CFAP91: variants seen among roughly 807,000 people sequenced by gnomAD.
CFAP91 encodes the protein cilia- and flagella-associated protein 91.
A neutral mutation model predicts 95.9 loss-of-function variants in CFAP91; 85 were observed. The ratio of observed to expected loss-of-function variants is 0.89; its 90% CI spans 0.74 to 1.06. The LOEUF (loss-of-function observed/expected upper bound fraction) is 1.06. Ranked by LOEUF, CFAP91 falls within the 50% of genes least tolerant of loss-of-function variation. CFAP91 has a pLI of 0.00. For synonymous variants in CFAP91, 335 were observed against 327.5 expected, an observed-to-expected ratio of 1.02 and a Z score of -0.25; for missense variants, 962 against 943.4, an observed-to-expected ratio of 1.02 and a Z score of -0.26.
At chr3:119,757,813 T>C (rs1405847423) in intron 17 of CFAP91, among the ~76,000 whole-genome samples, 1 of 152,084 alleles carries the variant, frequency 6.6e-6, no homozygotes, top group Non-Finnish European at 1.5e-5. Context: ...AGGAGCTGTG[T>C]GGGCTGGCCT....
rs754299297 is a variant in CFAP91, at chr3:119,732,588, C to T, written c.1201+112C>T. The T allele has an allele frequency of 5.8e-4, 440 of 756,548 alleles. 2 individuals are homozygous for T. Among genetic ancestry groups the T allele is most frequent in the Middle Eastern group, 3.8e-4 (1 of 2,632 alleles). The allele number at this position is 756,548 out of a possible 1,614,324, so 46.9% of individuals were successfully genotyped here. A position where few individuals can be genotyped will look rare whatever the true frequency, so the allele number is the denominator to read the frequency against. On this transcript the variant is annotated intron_variant, in intron 9 of 17. Coordinates refer to ENST00000273390, the MANE Select transcript of CFAP91 (RefSeq NM_033364.4). ...AAAAGCTAAGCAATAAAAATATTTG[C>T]AATAAACACTGATGATACAAACCAA...
At chr3:119,716,654 T>C (rs2053580155) in intron 6 of CFAP91, among the ~76,000 whole-genome samples, 1 of 152,218 alleles carries the variant, frequency 6.6e-6, no homozygotes, top group African/African-American at 2.4e-5. Flanking sequence ...TGGTGCGATC[T>C]TGGCTCACTG....
At chr3:119,739,776 A>G (rs552039712) in intron 12 of CFAP91, among the ~76,000 whole-genome samples, 1 of 152,242 alleles carries the variant, frequency 6.6e-6, no homozygotes, top group East Asian at 1.9e-4. Flanking sequence ...ATGGTTTTGA[A>G]CCTTTACTAT....
intron 15 of CFAP91, among the ~76,000 whole-genome samples, 198 bp downstream of exon 15, chr3:119,747,461 T>C (rs2054244449): frequency 6.6e-6 from 1 of 152,216 alleles, no homozygotes; most frequent in Middle Eastern, 3.2e-3. Flanking sequence ...TCCTCTGCAA[T>C]CTGGATTACT....
chr3:119,725,707 T>C lies in CFAP91; in HGVS notation c.683-464T>C, dbSNP rs528353984. ...GGGAGGTCAAGGCCACAGTGAGCTG[T>C]AATCACATCTCTATACTCCAGCCTG... On this transcript the variant is annotated intron_variant, in intron 6 of 17. Coordinates refer to ENST00000273390, the MANE Select transcript of CFAP91 (RefSeq NM_033364.4). 5.9e-5 allele frequency among the ~76,000 whole-genome samples: 9 copies of C among 151,868 alleles called. No homozygotes were observed. In the South Asian group the frequency reaches 1.9e-3, roughly 32 times the overall value.
chr3:119,741,138 T>G (rs1162363638), intron 13 of CFAP91, among the ~76,000 whole-genome samples: 1 of 152,198 alleles, frequency 6.6e-6, no homozygotes, highest in Non-Finnish European at 1.5e-5. Context: ...TAAATAATGC[T>G]GCTGTAGTCC....
At chr3:119,732,058 G>A (rs1378247813) in intron 8 of CFAP91, among the ~76,000 whole-genome samples, 5 of 152,288 alleles carry the variant, frequency 3.3e-5, no homozygotes, top group African/African-American at 7.2e-5. Context: ...GACGAGTACC[G>A]ATTGAGGACA....
chr3:119,751,094 C>T lies in CFAP91; in HGVS notation c.2301C>T (p.Ser767=), dbSNP rs747849440. The T allele has an allele frequency of 1.9e-6, 3 of 1,594,158 alleles. No homozygotes were observed. Among genetic ancestry groups the T allele is most frequent in the Non-Finnish European group, 2.6e-6 (3 of 1,172,192 alleles). ...AAGAAACTCAAAATGAGAACAACAG[C>T]TAAGGTGAGTTTGATTTTCCACCAG... ...LEKETQNENN[S] is the part of the protein sequence containing the mutation. Residue 767 remains serine (S), a synonymous_variant, in exon 17 of 18, where the codon AGC becomes AGT. Transcript: ENST00000273390.
intron 17 of CFAP91, among the ~76,000 whole-genome samples, chr3:119,755,758 G>C (rs1441711784): frequency 2.0e-5 from 3 of 152,158 alleles, no homozygotes; most frequent in Admixed American, 1.3e-4. Context: ...AAAATTTCAA[G>C]AGAACTGGAC....
chr3:119,739,963 G>A (rs1408084377), intron 12 of CFAP91, among the ~76,000 whole-genome samples: 1 of 152,124 alleles, frequency 6.6e-6, no homozygotes, highest in African/African-American at 2.4e-5. Flanking sequence ...TGTTGCTGGA[G>A]CAGGCACACT....
At chr3:119,723,534 A>G (rs1057253357) in intron 6 of CFAP91, among the ~76,000 whole-genome samples, 4 of 152,216 alleles carry the variant, frequency 2.6e-5, no homozygotes, top group Non-Finnish European at 4.4e-5. Context: ...CTAGATCTGT[A>G]TATATCAGTA....
rs371229824 is a variant in CFAP91, at chr3:119,740,683, G to A, written c.1668G>A (p.Leu556=). Residue 556 remains leucine (L), a synonymous_variant, in exon 13 of 18, where the codon TTG becomes TTA. Coordinates refer to ENST00000273390, the MANE Select transcript of CFAP91 (RefSeq NM_033364.4). The part of the protein sequence containing the change: ...VTLALQRQRN[L]HEHKVSLVEN... ...TGGCCTTACAGCGGCAGAGGAACTTGCATGAGCACAAGGTTTTCCTTTTTT... is the reference window on the plus strand; with the variant it reads ...TGGCCTTACAGCGGCAGAGGAACTTACATGAGCACAAGGTTTTCCTTTTTT... The A allele has an allele frequency of 6.2e-7, 1 of 1,614,052 alleles. No homozygotes were observed. The highest frequency in any genetic ancestry group is 2.2e-5 in the East Asian group (1 of 44,876).
In CFAP91 at chr3:119,733,467, G is replaced by C. The variant is rs1174389252; in HGVS notation, c.1305G>C (p.Arg435Ser). The change falls in exon 10 of 18, where the codon AGG (arginine) becomes AGC (serine). Residue 435 changes from arginine to serine, a missense_variant. By Grantham distance (110) the Arg-to-Ser change is moderately radical. Transcript: ENST00000273390. ...CCACCAAAGCTGGTTTTCTGAAGAG[G>C]GCAGCAAGGTTGGACTATGAGTTGG... is the stretch of plus-strand genomic sequence containing the variant. ...VITTKAGFLK[R>S]AARLDYELAE... 1.2e-6 allele frequency: 2 copies of C among 1,613,992 alleles called. No individual in the cohort carries two copies. The highest frequency in any genetic ancestry group is 1.6e-4 in the Middle Eastern group (1 of 6,062).
At chr3:119,752,702 C>T (rs949882641) in intron 17 of CFAP91, among the ~76,000 whole-genome samples, 3 of 152,154 alleles carry the variant, frequency 2.0e-5, no homozygotes, top group Non-Finnish European at 2.9e-5. Flanking sequence ...ATGGTACCTA[C>T]TCTATGACAT....
At chr3:119,707,732 G>T (rs1359118478) in intron 3 of CFAP91, among the ~76,000 whole-genome samples, 171 bp downstream of exon 3, 19 of 142,470 alleles carry the variant, frequency 1.3e-4, no homozygotes, top group Non-Finnish European at 2.3e-4. Context: ...GTATATATGA[G>T]ATATATATAT....
intron 12 of CFAP91, among the ~76,000 whole-genome samples, chr3:119,739,757 T>C (rs1475944121): frequency 2.6e-5 from 4 of 152,236 alleles, no homozygotes; most frequent in Admixed American, 1.3e-4. Context: ...AAGAGCTAAA[T>C]AATAAATTAT....
At chr3:119,737,512 T>G in intron 11 of CFAP91, 30 bp downstream of exon 11, 1 of 1,238,672 alleles carries the variant, frequency 8.1e-7, no homozygotes, top group Non-Finnish European at 1.2e-6. Flanking sequence ...GTTGAAATGC[T>G]AAATTCAATA....
chr3:119,750,242 T>C (rs2054300329), intron 16 of CFAP91: 1 of 152,208 alleles, frequency 6.6e-6, no homozygotes, highest in African/African-American at 2.4e-5. Flanking sequence ...CTTCTGAGAA[T>C]GCGGATATTA....
intron 1 of CFAP91, among the ~76,000 whole-genome samples, chr3:119,705,360 G>A (rs1266535002): frequency 6.6e-6 from 1 of 152,134 alleles, no homozygotes; most frequent in Non-Finnish European, 1.5e-5. Context: ...CCTTCCTTAT[G>A]AAGCCCTATG....
Sources: gnomAD v4.1 joint callset for allele counts (sites outside exome capture counted in the v4.1 genomes callset) on GRCh38, gnomAD v4.1.1 for gene constraint, MANE v1.5 for transcripts, NCBI Gene and HGNC (gene_info 2026-07-23, HGNC 2026-07-21) for gene names.